Variants in PPP2R2C observed in about 807,000 individuals in gnomAD.
PPP2R2C encodes the protein protein phosphatase 2 regulatory subunit Bgamma, also known as protein phosphatase 2, regulatory subunit B, gamma.
PPP2R2C carries 10 observed loss-of-function variants against 45.3 expected under a neutral mutation model. The ratio of observed to expected loss-of-function variants is 0.22; its 90% CI spans 0.14 to 0.37. The LOEUF is 0.37. Among genes scored for constraint, PPP2R2C ranks in the 10% least tolerant of loss-of-function variants. The pLI is 1.00. For synonymous variants in PPP2R2C, 257 were observed against 245.4 expected (o/e 1.05, Z -0.44); for missense variants, 308 against 619.7 (o/e 0.50, Z 5.34).
At chr4:6,489,493 T>C (rs1000384787) in intron 2 of PPP2R2C, among the ~76,000 whole-genome samples, 1 of 152,210 alleles carries the variant, frequency 6.6e-6, no homozygotes, top group Admixed American at 6.5e-5. Context: ...ACTCCTTTTA[T>C]TATGCACCCC....
chr4:6,465,689 T>G (rs1052542690), intron 1 of PPP2R2C, among the ~76,000 whole-genome samples: 4 of 152,188 alleles, frequency 2.6e-5, no homozygotes, highest in Admixed American at 2.0e-4. Flanking sequence ...AGCGTGCATT[T>G]TATCACTCAC....
chr4:6,546,249 G>A (rs1724979092), intron 1 of PPP2R2C, among the ~76,000 whole-genome samples: 1 of 152,184 alleles, frequency 6.6e-6, no homozygotes, highest in African/African-American at 2.4e-5. Context: ...TCAAACCGGT[G>A]ATCACGGGCA....
chr4:6,507,671 C>G (rs537854339), intron 2 of PPP2R2C, among the ~76,000 whole-genome samples: 12 of 152,322 alleles, frequency 7.9e-5, no homozygotes, highest in Non-Finnish European at 8.8e-5. Context: ...AAGCCTGGCC[C>G]AGATCACAAA....
chr4:6,537,860 T>C (rs1299791599), intron 1 of PPP2R2C, among the ~76,000 whole-genome samples: 2 of 152,144 alleles, frequency 1.3e-5, no homozygotes, highest in East Asian at 1.9e-4. Context: ...AAAGATATTA[T>C]GCTAAATAAA....
chr4:6,357,346 C>G (rs1003262041), intron 5 of PPP2R2C, among the ~76,000 whole-genome samples: 1 of 152,204 alleles, frequency 6.6e-6, no homozygotes, highest in Admixed American at 6.5e-5. Flanking sequence ...CCTTTTCCTT[C>G]CAGTGCCAAC....
chr4:6,418,970 G>A (rs1374965089), intron 1 of PPP2R2C, among the ~76,000 whole-genome samples: 1 of 152,206 alleles, frequency 6.6e-6, no homozygotes, highest in Non-Finnish European at 1.5e-5. Flanking sequence ...CCTCACTCAG[G>A]GAAACCATCA....
chr4:6,486,932 C>G (rs1418867897), intron 2 of PPP2R2C, among the ~76,000 whole-genome samples: 1 of 151,944 alleles, frequency 6.6e-6, no homozygotes, highest in East Asian at 1.9e-4. Context: ...TTCTCCTTTT[C>G]TGTCTTCTTT....
rs956844469 is a variant in PPP2R2C at position 6,472,061 on chromosome 4, G to A, written c.70+99C>T. The A allele has an allele frequency of 6.2e-6, 9 of 1,461,262 alleles. No individual in the cohort carries two copies. The African/African-American group carries it at 1.1e-4, about 18-fold the overall frequency. 90.5% of individuals were successfully genotyped at this position (1,461,262 alleles called of 1,614,324 possible). ...GGGGTGGGGTGGGGCGGGGGGACACGACACACATCGCGCGGTCCAAACCTT... is the reference window on the plus strand; with the variant it reads ...GGGGTGGGGTGGGGCGGGGGGACACAACACACATCGCGCGGTCCAAACCTT... On this transcript the variant is annotated intron_variant, in intron 1 of 8. Coordinates refer to ENST00000382599, the MANE Select transcript of PPP2R2C (RefSeq NM_020416.4).
At chr4:6,334,759 C>T (rs1034525179) in intron 6 of PPP2R2C, among the ~76,000 whole-genome samples, 2 of 152,188 alleles carry the variant, frequency 1.3e-5, no homozygotes, top group Non-Finnish European at 2.9e-5. Flanking sequence ...CCAGCTGTCC[C>T]CATGGAAACC....
intron 1 of PPP2R2C, among the ~76,000 whole-genome samples, chr4:6,433,445 G>A (rs573161257): frequency 8.5e-5 from 13 of 152,254 alleles, no homozygotes; most frequent in African/African-American, 2.6e-4. Flanking sequence ...TCTAAGTAGC[G>A]TCGCCTGAAA....
In PPP2R2C at chr4:6,332,099, T is replaced by G. The variant is rs540424042; in HGVS notation, c.960+1463A>C. Among the ~76,000 whole-genome samples, 2 of 152,266 alleles carry G rather than the reference T, an allele frequency of 1.3e-5. No individual in the cohort carries two copies. The highest frequency in any genetic ancestry group is 1.3e-4 in the Admixed American group (2 of 15,304). On this transcript the variant is annotated intron_variant, in intron 7 of 8. Coordinates refer to ENST00000382599, the MANE Select transcript of PPP2R2C (RefSeq NM_020416.4). The surrounding 1 kb of genome is among the most constrained non-coding windows in gnomAD (Gnocchi z 4.9). ...TCAGAAAGCTGTGTCCCCCTCCCCC[T>G]GAAAATGCTCATAGAACACATTCCA...
At chr4:6,403,047 A>G (rs6446501) in intron 1 of PPP2R2C, among the ~76,000 whole-genome samples, 1 of 152,210 alleles carries the variant, frequency 6.6e-6, no homozygotes, top group African/African-American at 2.4e-5. Context: ...GCAGGAGGGC[A>G]GTAATTTCCA....
intron 2 of PPP2R2C, among the ~76,000 whole-genome samples, chr4:6,511,511 T>TGGA (rs1723483529): frequency 2.8e-5 from 1 of 35,228 alleles, no homozygotes; most frequent in Non-Finnish European, 7.2e-5. Context: ...GTGATGGTGG[T>TGGA]GGTGGTGGTG....
intron 1 of PPP2R2C, among the ~76,000 whole-genome samples, chr4:6,544,607 G>T (rs1724915337): frequency 6.6e-6 from 1 of 152,178 alleles, no homozygotes; most frequent in Non-Finnish European, 1.5e-5. Context: ...AACGTGCTGG[G>T]ATTACAAGAA....
At chr4:6,511,458 GAT>G in intron 2 of PPP2R2C, among the ~76,000 whole-genome samples, 1 of 143,822 alleles carries the variant, frequency 7.0e-6, no homozygotes, top group Non-Finnish European at 1.5e-5. Flanking sequence ...TGGTGGTGAT[GAT>G]GACGGTGGTG....
chr4:6,415,048 A>T (rs1378644309), intron 1 of PPP2R2C, among the ~76,000 whole-genome samples: 2 of 152,230 alleles, frequency 1.3e-5, no homozygotes, highest in Non-Finnish European at 2.9e-5. Context: ...ATATCTGGGG[A>T]CACAGGGCCA....
chr4:6,531,174 G>A (rs1724384833), intron 2 of PPP2R2C, among the ~76,000 whole-genome samples: 1 of 152,240 alleles, frequency 6.6e-6, no homozygotes, highest in African/African-American at 2.4e-5. Flanking sequence ...CCCTGAGACA[G>A]CCGGCACCGC....
At chr4:6,533,084 G>T (rs1487103703) in intron 2 of PPP2R2C, among the ~76,000 whole-genome samples, 1 of 152,164 alleles carries the variant, frequency 6.6e-6, no homozygotes, top group Admixed American at 6.5e-5. Flanking sequence ...CACAGAATTC[G>T]GAAAGGCTGG....
intron 1 of PPP2R2C, among the ~76,000 whole-genome samples, chr4:6,417,124 T>C (rs1718644850): frequency 6.6e-6 from 1 of 152,132 alleles, no homozygotes; most frequent in Non-Finnish European, 1.5e-5. Flanking sequence ...GTGTCTCTCT[T>C]TGCCGCCCCT....
Sources: allele counts gnomAD v4.1 joint callset (sites outside exome capture counted in the v4.1 genomes callset), GRCh38; gene constraint gnomAD v4.1.1; non-coding constraint Gnocchi (gnomAD v3.1); transcripts MANE v1.5; gene names NCBI Gene and HGNC (gene_info 2026-07-23, HGNC 2026-07-21).